The following MALRD1 variants were observed in gnomAD, a reference collection of about 807,000 sequenced individuals.
MALRD1 encodes MAM and LDL receptor class A domain containing 1, also known as MAM and LDL-receptor class A domain-containing protein 1.
Under a neutral mutation model 242.1 loss-of-function variants are expected in MALRD1, and 247 were observed. The ratio of observed to expected loss-of-function variants is 1.02; its 90% CI spans 0.92 to 1.13. The LOEUF (loss-of-function observed/expected upper bound fraction) is 1.13. Among genes scored for constraint, MALRD1 ranks in the 50% most tolerant of loss-of-function variants. The pLI is 0.00. For synonymous variants in MALRD1, 995 were observed against 866.6 expected (o/e 1.15, Z -2.60); for missense variants, 2,989 against 2,533.1 (o/e 1.18, Z -3.86).
At chr10:19,566,048 T>A (rs1471601422) in intron 32 of MALRD1, among the ~76,000 whole-genome samples, 1 of 152,144 alleles carries the variant, frequency 6.6e-6, no homozygotes, top group Non-Finnish European at 1.5e-5. Context: ...TTCTTGCTAG[T>A]ATTTCTGCAA....
chr10:19,309,965 A>T (rs1588889966), intron 21 of MALRD1, among the ~76,000 whole-genome samples: 1 of 151,530 alleles, frequency 6.6e-6, no homozygotes, highest in Non-Finnish European at 1.5e-5. Flanking sequence ...TGCCCCATCC[A>T]AAAGAAAAGG....
At chr10:19,162,044 G>GAA (rs1834450330) in intron 12 of MALRD1, among the ~76,000 whole-genome samples, 1 of 119,610 alleles carries the variant, frequency 8.4e-6, no homozygotes, top group Non-Finnish European at 1.8e-5. Context: ...AACAACAACA[G>GAA]CAACAACAAC....
At chr10:19,419,475 T>TG (rs1833638134) in intron 28 of MALRD1, among the ~76,000 whole-genome samples, 1 of 151,996 alleles carries the variant, frequency 6.6e-6, no homozygotes, top group Admixed American at 6.6e-5. Context: ...AATTTTTTTG[T>TG]TGTTGTTATT....
chr10:19,607,139 A>T (rs117852024), intron 34 of MALRD1, among the ~76,000 whole-genome samples: 4 of 152,316 alleles, frequency 2.6e-5, no homozygotes, highest in Non-Finnish European at 5.9e-5. Context: ...ATGTTTGCCT[A>T]TTGAAGTCAG....
chr10:19,156,339 G>C (rs1193417616), intron 12 of MALRD1, among the ~76,000 whole-genome samples: 4 of 149,548 alleles, frequency 2.7e-5, no homozygotes, highest in African/African-American at 9.8e-5. Flanking sequence ...GTGAGAATAA[G>C]AATTAAAGCA....
chr10:19,562,791 A>G (rs1836045052), intron 32 of MALRD1, among the ~76,000 whole-genome samples: 1 of 152,110 alleles, frequency 6.6e-6, no homozygotes. Context: ...AGATTCCCAT[A>G]GAAGCATGAA....
chr10:19,124,675 A>G lies in MALRD1; in HGVS notation c.943+5A>G, dbSNP rs1588579589. The G allele has an allele frequency of 8.1e-6, 10 of 1,229,286 alleles. No individual in the cohort carries two copies. Among genetic ancestry groups the G allele is most frequent in the African/African-American group, 6.2e-5 (4 of 64,300 alleles). The allele number at this position is 1,229,286 out of a possible 1,614,324, so 76.1% of individuals were successfully genotyped here. ...ATCAAGGAGGTGATGATGAAGGTAG[A>G]AAAAAAAATAATATCTTTTATGTAT... On this transcript the variant is annotated splice_donor_5th_base_variant and intron_variant, in intron 7 of 39. Transcript: ENST00000454679.
chr10:19,344,718 A>G (rs940270168), intron 24 of MALRD1, among the ~76,000 whole-genome samples: 5 of 133,706 alleles, frequency 3.7e-5, no homozygotes, highest in Non-Finnish European at 6.4e-5. Context: ...TACCATGTCA[A>G]TTGGGGGGGG....
chr10:19,232,210 G>A (rs1343098451), intron 18 of MALRD1, among the ~76,000 whole-genome samples: 2 of 151,960 alleles, frequency 1.3e-5, no homozygotes, highest in Non-Finnish European at 2.9e-5. Context: ...TTTGTTGTTT[G>A]TTTTGGAGTG....
chr10:19,367,795 C>G (rs1449831888), intron 26 of MALRD1, among the ~76,000 whole-genome samples: 1 of 151,974 alleles, frequency 6.6e-6, no homozygotes, highest in Non-Finnish European at 1.5e-5. Flanking sequence ...TGTATAATAG[C>G]CATCCTACAA....
At chr10:19,496,684 AG>A (rs1404224978) in intron 30 of MALRD1, among the ~76,000 whole-genome samples, 1 of 152,190 alleles carries the variant, frequency 6.6e-6, no homozygotes, top group East Asian at 1.9e-4. Flanking sequence ...TCTGCATAAA[AG>A]TGTGAAAGGC....
chr10:19,131,819 T>C (rs1189734601), intron 8 of MALRD1, among the ~76,000 whole-genome samples: 1 of 152,212 alleles, frequency 6.6e-6, no homozygotes, highest in Non-Finnish European at 1.5e-5. Context: ...TAAAAAATTA[T>C]TTACTGATTT....
At chr10:19,123,733 G>A in intron 6 of MALRD1, 140 bp downstream of exon 6, 1 of 425,658 alleles carries the variant, frequency 2.3e-6, no homozygotes. Flanking sequence ...GGGAGGCTGT[G>A]GTGGTTTATA....
intron 21 of MALRD1, among the ~76,000 whole-genome samples, chr10:19,283,526 C>T (rs940229306): frequency 1.4e-4 from 22 of 152,034 alleles, no homozygotes; most frequent in African/African-American, 4.8e-4. Context: ...CCATCTCTTC[C>T]ACCACCTCCT....
At chr10:19,058,382 G>T (rs1046233296) in intron 1 of MALRD1, among the ~76,000 whole-genome samples, 1 of 152,100 alleles carries the variant, frequency 6.6e-6, no homozygotes, top group Non-Finnish European at 1.5e-5. Flanking sequence ...TATTAACAAC[G>T]AAGCCATAAT....
chr10:19,552,970 T>A (rs115386457), intron 32 of MALRD1, among the ~76,000 whole-genome samples: 2,306 of 152,214 alleles, frequency 0.015, 59 homozygotes, highest in African/African-American at 0.053. Flanking sequence ...TATGCAAGTG[T>A]TTATTTATAT....
Position 19,171,932 on chromosome 10 carries a change from TATATATATCATATA to T in MALRD1, c.1831-3269_1831-3256del, listed in dbSNP as rs1834995453. Among the ~76,000 whole-genome samples the T allele has an allele frequency of 1.8e-4, 22 of 121,712 alleles. No individual in the cohort carries two copies. In the South Asian group the frequency reaches 5.3e-3, roughly 30 times the overall value. The allele number at this position is 121,712 out of a possible 152,430, so 79.8% of individuals were successfully genotyped here. On this transcript the variant is annotated intron_variant, in intron 13 of 39. Transcript: ENST00000454679. ...ATATATGATATATACATATATGTGA[TATATATATCATATA>T]ATATATGTATATATCACATATATGT...
chr10:19,283,159 A>G lies in MALRD1; in HGVS notation c.3397A>G (p.Arg1133Gly), dbSNP rs1169441129. 1 of 1,547,630 alleles carries G rather than the reference A, an allele frequency of 6.5e-7. No individual in the cohort carries two copies. Among genetic ancestry groups the G allele is most frequent in the Non-Finnish European group, 8.7e-7 (1 of 1,145,296 alleles). Residue 1133 changes from arginine (R) to glycine (G), a missense_variant, in exon 21 of 40, where the codon AGG becomes GGG. Coordinates refer to ENST00000454679, the MANE Select transcript of MALRD1 (RefSeq NM_001142308.3). ...ISIHHGEENH[R>G]PSVDHTQNTT... ...CATTCATCATGGGGAAGAAAACCAC[A>G]GGCCATCAGTGGATCATACACAGTA...
chr10:19,723,554 A>C (rs1235494510), intron 38 of MALRD1, among the ~76,000 whole-genome samples: 1 of 152,084 alleles, frequency 6.6e-6, no homozygotes, highest in African/African-American at 2.4e-5. Context: ...CAGACTGGAC[A>C]ATATAGCAAG....
Sources: gnomAD v4.1 joint callset for allele counts (sites outside exome capture counted in the v4.1 genomes callset) on GRCh38, gnomAD v4.1.1 for gene constraint, MANE v1.5 for transcripts, NCBI Gene and HGNC (gene_info 2026-07-23, HGNC 2026-07-21) for gene names.